Variants in FLG observed in about 807,000 individuals in gnomAD.
The protein encoded by FLG is epidermal filaggrin.
Under a neutral mutation model 3.8 loss-of-function variants are expected in FLG, and 6 were observed. The ratio of observed to expected loss-of-function variants is 1.60; its 90% CI spans 0.87 to 3.15. The LOEUF (loss-of-function observed/expected upper bound fraction) is 3.15, where lower values mean the gene tolerates loss of function less well. FLG is among the 30% of genes most tolerant of loss of function. The probability of loss-of-function intolerance (pLI) is 0.00; values close to 1 mark genes in which losing one functional copy is unlikely to be tolerated. For missense variants in FLG, 7,595 were observed against 5,050.9 expected, an observed-to-expected ratio of 1.50 and a Z score of -15.27; for synonymous variants, 2,551 against 1,931.6, an observed-to-expected ratio of 1.32 and a Z score of -8.41.
chr1:152,309,637 G>A lies in FLG; in HGVS notation c.5249C>T (p.Ser1750Phe), dbSNP rs3120647. 0.018 allele frequency: 29,442 copies of A among 1,613,806 alleles called. 4,602 individuals carry two copies. The African/African-American group carries it at 0.34, about 19-fold the overall frequency. Residue 1750 changes from serine to phenylalanine, a missense_variant, in exon 3 of 3, where the codon TCC becomes TTC. By Grantham distance (155) the Ser-to-Phe change is radical. Transcript: ENST00000368799. ...AGPHQQSHQESTRGQSGERSG... is the reference protein window; with the variant it reads ...AGPHQQSHQEFTRGQSGERSG... ...CCTTTCCCCTGACTGGCCACGTGTGGACTCTTGGTGGCTCTGCTGATGGGG... is the reference window on the plus strand; with the variant it reads ...CCTTTCCCCTGACTGGCCACGTGTGAACTCTTGGTGGCTCTGCTGATGGGG...
rs147929070 is a variant in FLG, at chr1:152,310,313, G to A, written c.4573C>T (p.Gln1525Ter). ...CCATGGGAGGCATCAGACCTTCCCT[G>A]GGGTGTGGTGTGGCTGTGATGGTAC... ...SGYHHSHTTP[Q>*]GRSDASHGQS... The change falls in exon 3 of 3, where the codon CAG (glutamine) becomes TAG (stop). Residue 1525 changes from glutamine (Q) to a stop codon, truncating the protein, a stop_gained. Transcript: ENST00000368799. LOFTEE classifies it low-confidence loss of function (END_TRUNC). The A allele has an allele frequency of 1.9e-6, 3 of 1,613,796 alleles. No individual in the cohort carries two copies. In the South Asian group the frequency reaches 3.3e-5, roughly 18 times the overall value.
At position 152,308,440 on chromosome 1, in the gene FLG, C is replaced by G. The variant is rs1161861110; in HGVS notation, c.6446G>C (p.Arg2149Thr). The change falls in exon 3 of 3, where the codon AGA (arginine) becomes ACA (threonine). Residue 2149 changes from arginine to threonine, a missense_variant. Coordinates refer to ENST00000368799, the MANE Select transcript of FLG (RefSeq NM_002016.2). ...CGATTGCTCTTGGTGGGACCCCTGT[C>G]TTCCTCCTCTGCTTGGCCCCGGGTG... is the stretch of plus-strand genomic sequence containing the variant. ...RGHPGPSRGG[R>T]QGSHQEQSVD... is the part of the protein sequence containing the mutation. The G allele has an allele frequency of 3.1e-6, 5 of 1,613,744 alleles. No homozygotes were observed. In the Admixed American group the frequency reaches 5.0e-5, roughly 16 times the overall value.
chr1:152,323,594 A>G (rs1285407713), intron 1 of FLG, among the ~76,000 whole-genome samples: 1 of 151,710 alleles, frequency 6.6e-6, no homozygotes, highest in African/African-American at 2.4e-5. Context: ...AGACCTCAAT[A>G]CACCCACCAA....
At position 152,312,856 on chromosome 1, in the gene FLG, G is replaced by T; in HGVS notation, c.2030C>A (p.Ser677Tyr). 6.2e-7 allele frequency: 1 copy of T among 1,614,040 alleles called. No homozygotes were observed. Among genetic ancestry groups the T allele is most frequent in the Non-Finnish European group, 8.5e-7 (1 of 1,180,018 alleles). Residue 677 changes from serine to tyrosine, a missense_variant, in exon 3 of 3, where the codon TCC becomes TAC. Coordinates refer to ENST00000368799, the MANE Select transcript of FLG (RefSeq NM_002016.2). ...TGTGTGACGAGTGCCTGATTTTCTG[G>T]AGCTGTCTGCAGAGTGCCCATGACC... ...RAGHGHSADS[S>Y]RKSGTRHTQN...
At position 152,310,666 on chromosome 1, in the gene FLG, G is replaced by T. The variant is rs754660081; in HGVS notation, c.4220C>A (p.Thr1407Lys). Residue 1407 changes from threonine (T) to lysine (K), a missense_variant, in exon 3 of 3, where the codon ACA becomes AAA. Transcript: ENST00000368799. ...NSEGHSEDSD[T>K]QSVSAHGQAG... Reference sequence around the variant, plus strand: ...TTGTCCGTGGGCTGACACTGACTGTGTGTCTGAGTCTTCTGAATGTCCCTC... The same window carrying T: ...TTGTCCGTGGGCTGACACTGACTGTTTGTCTGAGTCTTCTGAATGTCCCTC... The T allele has an allele frequency of 2.5e-6, 4 of 1,613,822 alleles. No homozygotes were observed. The highest frequency in any genetic ancestry group is 1.7e-5 in the Admixed American group (1 of 59,996).
intron 1 of FLG, among the ~76,000 whole-genome samples, chr1:152,318,956 T>C (rs768683391): frequency 5.9e-5 from 9 of 151,794 alleles, no homozygotes; most frequent in Non-Finnish European, 1.3e-4. Context: ...ACATTTGAAC[T>C]TAAAATGGAA....
intron 1 of FLG, among the ~76,000 whole-genome samples, chr1:152,318,260 T>C (rs868092734): frequency 6.6e-6 from 1 of 151,940 alleles, no homozygotes; most frequent in South Asian, 2.1e-4. Context: ...CTCTCAATTT[T>C]CTATCACCAA....
chr1:152,303,419 A>T lies in FLG; in HGVS notation c.11467T>A (p.Ser3823Thr). ...TGGTGACGCGACCCTGAGTGCCTGG[A>T]GCCGTCTCCTGACTGTTCCTCATTA... Reference protein sequence around the residue: ...TRNEEQSGDGSRHSGSRHHEA... With the variant: ...TRNEEQSGDGTRHSGSRHHEA... Residue 3823 changes from serine (S) to threonine (T), a missense_variant, in exon 3 of 3, where the codon TCC (serine) becomes ACC (threonine). By Grantham distance (58) the Ser-to-Thr change is moderately conservative. Coordinates refer to ENST00000368799, the MANE Select transcript of FLG (RefSeq NM_002016.2). 3 of 1,614,006 alleles carry T rather than the reference A, an allele frequency of 1.9e-6. No homozygotes were observed. The highest frequency in any genetic ancestry group is 1.1e-5 in the South Asian group (1 of 91,058).
chr1:152,311,981 T>A lies in FLG; in HGVS notation c.2905A>T (p.Asn969Tyr), dbSNP rs3120652. 9.0e-3 allele frequency: 14,600 copies of A among 1,613,690 alleles called. 127 individuals carry two copies. In the African/African-American group the frequency reaches 0.17, roughly 18 times the overall value. The change falls in exon 3 of 3, where the codon AAC becomes TAC. Residue 969 changes from asparagine (N) to tyrosine (Y), a missense_variant. By Grantham distance (143) the Asn-to-Tyr change is moderately radical. Coordinates refer to ENST00000368799, the MANE Select transcript of FLG (RefSeq NM_002016.2). ...SERWSGSASR[N>Y]HRGSAQEQSR... ...TGCTCCTGAGCAGATCCACGATGGT[T>A]TCTGGAAGCAGACCCAGACCACCTC... is the stretch of plus-strand genomic sequence containing the variant.
Position 152,313,115 on chromosome 1 carries a change from C to G in FLG, c.1771G>C (p.Ala591Pro). 6.2e-7 allele frequency: 1 copy of G among 1,613,940 alleles called. No homozygotes were observed. The highest frequency in any genetic ancestry group is 8.5e-7 in the Non-Finnish European group (1 of 1,180,014). Reference protein sequence around the residue: ...TRHSGSRHHEASSQADSSRHS... With the variant: ...TRHSGSRHHEPSSQADSSRHS... The stretch of plus-strand genomic sequence containing the variant: ...CTAGAGCTGTCAGCCTGAGAGGAAG[C>G]TTCATGATGACGTGACCCTGAGTGC... The change falls in exon 3 of 3, where the codon GCT becomes CCT. Residue 591 changes from alanine (A) to proline (P), a missense_variant. Ala to Pro is a conservative substitution (Grantham distance 27). Coordinates refer to ENST00000368799, the MANE Select transcript of FLG (RefSeq NM_002016.2).
In FLG at chr1:152,309,764, C is replaced by G. The variant is rs112510657; in HGVS notation, c.5122G>C (p.Asp1708His). 6.2e-7 allele frequency: 1 copy of G among 1,613,832 alleles called. No homozygotes were observed. The highest frequency in any genetic ancestry group is 8.5e-7 in the Non-Finnish European group (1 of 1,179,990). The change falls in exon 3 of 3, where the codon GAC (aspartate) becomes CAC (histidine). Residue 1708 changes from aspartate (D) to histidine (H), a missense_variant. Transcript: ENST00000368799. ...GRRQDSSVVG[D>H]SGNRGSSGSQ... ...CCACTGGACCCTCGGTTTCCACTGT[C>G]TCCGACTACAGATGAATCTTGTCTG...
rs201728138 is a variant in FLG, at chr1:152,313,909, C to T, written c.977G>A (p.Trp326Ter). 97 of 1,613,880 alleles carry T rather than the reference C, an allele frequency of 6.0e-5. No homozygotes were observed. The highest frequency in any genetic ancestry group is 1.5e-4 in the South Asian group (14 of 91,050). Residue 326 changes from tryptophan (W) to a stop codon, truncating the protein, a stop_gained, in exon 3 of 3, where the codon TGG (tryptophan) becomes TAG (stop). Coordinates refer to ENST00000368799, the MANE Select transcript of FLG (RefSeq NM_002016.2). LOFTEE classifies it low-confidence loss of function (END_TRUNC). Reference protein sequence around the residue: ...SASRNHHGSAWEQSRDGSRHP... With the variant: ...SASRNHHGSA ...TCTGGAGCCATCTCTTGACTGCTCC[C>T]ACGCAGATCCATGATGGTTTCTGGA... is the stretch of plus-strand genomic sequence containing the variant.
chr1:152,310,871 G>A lies in FLG; in HGVS notation c.4015C>T (p.His1339Tyr). 6.2e-7 allele frequency: 1 copy of A among 1,613,950 alleles called. No individual in the cohort carries two copies. Among genetic ancestry groups the A allele is most frequent in the South Asian group, 1.1e-5 (1 of 91,052 alleles). The change falls in exon 3 of 3, where the codon CAT (histidine) becomes TAT (tyrosine). Residue 1339 changes from histidine (H) to tyrosine (Y), a missense_variant. Transcript: ENST00000368799. ...TCATGGGATGACACAGCCTGTCCATGAGAGGAAGACTCTGTGTGATGAGTG... is the reference window on the plus strand; with the variant it reads ...TCATGGGATGACACAGCCTGTCCATAAGAGGAAGACTCTGTGTGATGAGTG... ...SGTHHTESSS[H>Y]GQAVSSHEQA...
Position 152,312,524 on chromosome 1 carries a change from G to T in FLG, c.2362C>A (p.Arg788=). 1 of 1,613,070 alleles carries T rather than the reference G, an allele frequency of 6.2e-7. No homozygotes were observed. The highest frequency in any genetic ancestry group is 1.3e-5 in the African/African-American group (1 of 74,502). The change falls in exon 3 of 3, where the codon CGA becomes AGA. Residue 788 remains arginine (R), a synonymous_variant. Coordinates refer to ENST00000368799, the MANE Select transcript of FLG (RefSeq NM_002016.2). The part of the protein sequence containing the change: ...SARDRSGERS[R]RSGSFLYQVS... ...TGGTAGAGGAAAGACCCTGAACGTCGAGACCTTTCCCCTGACCGGTCACGT... is the reference window on the plus strand; with the variant it reads ...TGGTAGAGGAAAGACCCTGAACGTCTAGACCTTTCCCCTGACCGGTCACGT...
rs61816761 is a variant in FLG at position 152,313,385 on chromosome 1, G to A, written c.1501C>T (p.Arg501Ter). Residue 501 changes from arginine to a stop codon, truncating the protein, a stop_gained, in exon 3 of 3, where the codon CGA becomes TGA. Coordinates refer to ENST00000368799, the MANE Select transcript of FLG (RefSeq NM_002016.2). LOFTEE classifies it low-confidence loss of function (END_TRUNC). ...GRQGSHHEQA[R>*]DSSRHSASQE... The stretch of plus-strand genomic sequence containing the variant: ...GACGCTGAATGCCTGGAGCTGTCTC[G>A]TGCCTGCTCGTGGTGCGATCCTTGT... The A allele has an allele frequency of 0.017, 27,361 of 1,613,302 alleles. 315 individuals carry two copies. Among genetic ancestry groups the A allele is most frequent in the Non-Finnish European group, 0.021 (25,228 of 1,179,838 alleles).
In FLG at chr1:152,312,534, C is replaced by T. The variant is rs1305406628; in HGVS notation, c.2352G>A (p.Gly784=). ...AAGACCCTGAACGTCGAGACCTTTC[C>T]CCTGACCGGTCACGTGCGGACTCTT... The part of the protein sequence containing the change: ...SHQESARDRS[G]ERSRRSGSFL... Residue 784 remains glycine (G), a synonymous_variant, in exon 3 of 3, where the codon GGG becomes GGA. Transcript: ENST00000368799. 2 of 1,613,618 alleles carry T rather than the reference C, an allele frequency of 1.2e-6. No homozygotes were observed. The highest frequency in any genetic ancestry group is 2.2e-5 in the East Asian group (1 of 44,812).
rs148520067 is a variant in FLG, at chr1:152,314,735, G to C, written c.151C>G (p.Pro51Ala). The C allele has an allele frequency of 2.0e-5, 33 of 1,613,616 alleles. No individual in the cohort carries two copies. The highest frequency in any genetic ancestry group is 2.8e-5 in the Non-Finnish European group (33 of 1,179,736). Residue 51 changes from proline to alanine, a missense_variant, in exon 3 of 3, where the codon CCA becomes GCA. Pro to Ala is a conservative substitution (Grantham distance 27). Transcript: ENST00000368799. ...FRQILKNPDDPDMVDVFMDHL... is the reference protein window; with the variant it reads ...FRQILKNPDDADMVDVFMDHL... ...TCCATGAAGACATCAACCATATCTG[G>C]GTCATCTGGATTCTGTACAGAGGGA...
chr1:152,312,959 T>C lies in FLG; in HGVS notation c.1927A>G (p.Arg643Gly), dbSNP rs762662395. 6 of 1,613,908 alleles carry C rather than the reference T, an allele frequency of 3.7e-6. No homozygotes were observed. Among genetic ancestry groups the C allele is most frequent in the Middle Eastern group, 1.6e-4 (1 of 6,084 alleles). Residue 643 changes from arginine to glycine, a missense_variant, in exon 3 of 3, where the codon AGA (arginine) becomes GGA (glycine). Arg to Gly is a moderately radical substitution (Grantham distance 125). Transcript: ENST00000368799. Reference protein sequence around the residue: ...DSERWSGSASRNHHGSAQEQS... With the variant: ...DSERWSGSASGNHHGSAQEQS... ...TCCTGAGCAGATCCATGATGGTTTC[T>C]GGAAGCAGACCCAGACCACCTCTCA... is the stretch of plus-strand genomic sequence containing the variant.
Position 152,305,277 on chromosome 1 carries a change from C to G in FLG, c.9609G>C (p.Glu3203Asp), listed in dbSNP as rs200794975. ...CCTGGCGCCTGCTTCTCCTGGACCC[C>G]TCTGATTGTCCCTGGACTGCCTGTG... is the stretch of plus-strand genomic sequence containing the variant. Reference protein sequence around the residue: ...RHSQAVQGQSEGSRRSRRQGS... With the variant: ...RHSQAVQGQSDGSRRSRRQGS... Residue 3203 changes from glutamate to aspartate, a missense_variant, in exon 3 of 3, where the codon GAG (glutamate) becomes GAC (aspartate). Transcript: ENST00000368799. The G allele has an allele frequency of 2.0e-4, 329 of 1,611,968 alleles. No individual in the cohort carries two copies. The highest frequency in any genetic ancestry group is 2.6e-4 in the Non-Finnish European group (302 of 1,179,692).
Sources: gnomAD v4.1 joint callset for allele counts (sites outside exome capture counted in the v4.1 genomes callset) on GRCh38, gnomAD v4.1.1 for gene constraint, MANE v1.5 for transcripts, NCBI Gene and HGNC (gene_info 2026-07-23, HGNC 2026-07-21) for gene names.